GRM8: variants seen among roughly 807,000 people sequenced by gnomAD.
GRM8 encodes glutamate metabotropic receptor 8.
GRM8 carries 47 observed loss-of-function variants against 87.2 expected under a neutral mutation model. That is an observed-to-expected ratio of 0.54 (90% CI 0.43 to 0.69). GRM8 has a LOEUF of 0.69. Among genes scored for constraint, GRM8 ranks in the 30% least tolerant of loss-of-function variants. The probability of loss-of-function intolerance (pLI) is 0.00; values close to 1 mark genes in which losing one functional copy is unlikely to be tolerated. For missense variants in GRM8, 1,019 were observed against 1,139.2 expected (o/e 0.89, Z 1.52); for synonymous variants, 396 against 404.5 (o/e 0.98, Z 0.25).
At chr7:127,057,259 G>A (rs1820089995) in intron 3 of GRM8, among the ~76,000 whole-genome samples, 1 of 152,078 alleles carries the variant, frequency 6.6e-6, no homozygotes, top group African/African-American at 2.4e-5. Context: ...GCAATCAGAG[G>A]GAAAAGTTAA....
At chr7:126,643,679 C>A (rs1303256314) in intron 7 of GRM8, among the ~76,000 whole-genome samples, 1 of 152,176 alleles carries the variant, frequency 6.6e-6, no homozygotes, top group Non-Finnish European at 1.5e-5. Flanking sequence ...CTGTCAAAAA[C>A]TTCCAGCTGA....
chr7:127,035,531 C>A (rs1277298990), intron 3 of GRM8, among the ~76,000 whole-genome samples: 1 of 152,184 alleles, frequency 6.6e-6, no homozygotes, highest in Non-Finnish European at 1.5e-5. Context: ...CCACTCTCCA[C>A]AAGGCTATTA....
intron 2 of GRM8, among the ~76,000 whole-genome samples, chr7:127,134,350 C>T (rs913889438): frequency 6.6e-6 from 1 of 152,126 alleles, no homozygotes; most frequent in Non-Finnish European, 1.5e-5. Context: ...AGTTGTTCAA[C>T]ACTTCAAAGA....
chr7:126,446,424 A>G (rs748996606), intron 9 of GRM8, 52 bp from the exon 10 acceptor site: 2 of 1,177,260 alleles, frequency 1.7e-6, no homozygotes, highest in Non-Finnish European at 2.4e-6. Context: ...ACAGTAGGAG[A>G]TAAAGCAAAT....
At chr7:126,477,593 A>AAGAAAGAAAGAGAAAGAAAGAC (rs1554446051) in intron 9 of GRM8, among the ~76,000 whole-genome samples, 1 of 65,410 alleles carries the variant, frequency 1.5e-5, no homozygotes, top group African/African-American at 4.6e-5. Flanking sequence ...GAAAGAAAGA[A>AAGAAAGAAAGAGAAAGAAAGAC]AGAAAGAAAG....
rs568673004 is a variant in GRM8 at position 126,533,819 on chromosome 7, C to T, written c.1563G>A (p.Lys521=). 1 of 1,614,120 alleles carries T rather than the reference C, an allele frequency of 6.2e-7. No homozygotes were observed. Among genetic ancestry groups the T allele is most frequent in the East Asian group, 2.2e-5 (1 of 44,856 alleles). ...TCACCGTTTTCTTCCTCTCCCCTGG[C>T]TTACACGGCAGGCTGCAGACAGACG... The part of the protein sequence containing the change: ...HPASVCSLPC[K]PGERKKTVKG... The change falls in exon 9 of 11, where the codon AAG becomes AAA. Residue 521 remains lysine, a synonymous_variant. Coordinates refer to ENST00000339582, the MANE Select transcript of GRM8 (RefSeq NM_000845.3).
chr7:126,919,511 T>C (rs1033508110), intron 3 of GRM8, among the ~76,000 whole-genome samples: 5 of 152,178 alleles, frequency 3.3e-5, no homozygotes, highest in African/African-American at 1.2e-4. Context: ...ACTGGGGATC[T>C]TAAAAACTGA....
At chr7:126,500,272 C>T (rs980308973) in intron 9 of GRM8, among the ~76,000 whole-genome samples, 3 of 151,932 alleles carry the variant, frequency 2.0e-5, no homozygotes, top group Non-Finnish European at 4.4e-5. Context: ...CCATTCTACT[C>T]TCTATATAAA....
chr7:126,644,728 C>A (rs1361985), intron 7 of GRM8, among the ~76,000 whole-genome samples: 1 of 152,112 alleles, frequency 6.6e-6, no homozygotes, highest in Non-Finnish European at 1.5e-5. Context: ...AGTTTAACAG[C>A]TGATTATCAA....
intron 9 of GRM8, among the ~76,000 whole-genome samples, chr7:126,501,583 T>C (rs964093731): frequency 6.6e-6 from 1 of 152,010 alleles, no homozygotes; most frequent in East Asian, 1.9e-4. Flanking sequence ...AGAGATAATA[T>C]TTCTTAGAAA....
At chr7:126,762,738 T>A (rs573836178) in intron 7 of GRM8, among the ~76,000 whole-genome samples, 2 of 152,062 alleles carry the variant, frequency 1.3e-5, no homozygotes, top group East Asian at 3.9e-4. Context: ...AAAGTGAAAT[T>A]GTGATTTGTT....
intron 8 of GRM8, among the ~76,000 whole-genome samples, chr7:126,554,421 A>AATG: frequency 1.4e-5 from 2 of 147,088 alleles, no homozygotes; most frequent in Middle Eastern, 3.6e-3. Flanking sequence ...TTCTACAAAT[A>AATG]ATAATAATAA....
At chr7:126,730,164 G>A (rs1301375583) in intron 7 of GRM8, among the ~76,000 whole-genome samples, 3 of 152,084 alleles carry the variant, frequency 2.0e-5, no homozygotes, top group African/African-American at 7.2e-5. Context: ...CATGGAACTA[G>A]GAAGATTAGC....
chr7:127,132,778 G>A (rs1315201377), intron 2 of GRM8, among the ~76,000 whole-genome samples: 1 of 152,068 alleles, frequency 6.6e-6, no homozygotes, highest in Non-Finnish European at 1.5e-5. Flanking sequence ...AAGGGTCTGG[G>A]CACTCTAGGA....
intron 9 of GRM8, among the ~76,000 whole-genome samples, chr7:126,506,006 T>A (rs988263509): frequency 2.6e-5 from 4 of 151,990 alleles, no homozygotes; most frequent in African/African-American, 9.7e-5. Context: ...CTCCTCCTCC[T>A]AGCCCCTGTC....
intron 3 of GRM8, among the ~76,000 whole-genome samples, chr7:127,027,070 A>G (rs1180650342): frequency 6.6e-6 from 1 of 152,190 alleles, no homozygotes; most frequent in Non-Finnish European, 1.5e-5. Flanking sequence ...CAGTTTTCCT[A>G]GCACCACTTA....
chr7:126,940,057 C>T (rs1207737011), intron 3 of GRM8, among the ~76,000 whole-genome samples: 1 of 152,162 alleles, frequency 6.6e-6, no homozygotes, highest in African/African-American at 2.4e-5. Context: ...GACCAGGGGC[C>T]TTTATCTTTC....
intron 8 of GRM8, among the ~76,000 whole-genome samples, chr7:126,563,087 T>C (rs1290882905): frequency 6.6e-6 from 1 of 152,170 alleles, no homozygotes; most frequent in Non-Finnish European, 1.5e-5. Context: ...ATAATGAACG[T>C]AGTAATCGCA....
intron 3 of GRM8, among the ~76,000 whole-genome samples, chr7:127,068,513 T>C (rs1821353397): frequency 6.6e-6 from 1 of 152,166 alleles, no homozygotes; most frequent in Non-Finnish European, 1.5e-5. Context: ...TTAGTCACTC[T>C]AGGGTCAGGT....
Sources: gnomAD v4.1 joint callset for allele counts (sites outside exome capture counted in the v4.1 genomes callset) on GRCh38, gnomAD v4.1.1 for gene constraint, MANE v1.5 for transcripts, NCBI Gene and HGNC (gene_info 2026-07-23, HGNC 2026-07-21) for gene names.